The following MGST3 variants were observed in gnomAD, a reference collection of about 807,000 sequenced individuals.
MGST3 encodes glutathione S-transferase 3, mitochondrial.
In MGST3, 13 loss-of-function variants were observed where a neutral mutation model predicts 15.8. That is an observed-to-expected ratio of 0.82 (90% CI 0.54 to 1.31). The LOEUF is 1.31. MGST3 is among the 50% of genes most tolerant of loss of function. The probability of loss-of-function intolerance (pLI) is 0.00; values close to 1 mark genes in which losing one functional copy is unlikely to be tolerated. For synonymous variants in MGST3, 49 were observed against 68.1 expected (o/e 0.72, Z 1.38); for missense variants, 155 against 192.4 (o/e 0.81, Z 1.15).
intron 1 of MGST3, chr1:165,646,671 G>A (rs538608666): frequency 5.2e-5 from 8 of 152,386 alleles, no homozygotes; most frequent in South Asian, 4.1e-4. Context: ...TTCAGGGGAC[G>A]GGGTGCGTGG....
chr1:165,651,772 G>A, intron 3 of MGST3: 1 of 502,904 alleles, frequency 2.0e-6, no homozygotes, highest in South Asian at 2.1e-5. Context: ...GCACGCACCT[G>A]TAATCCCAGC....
In MGST3 at chr1:165,642,553, G is replaced by A. The variant is rs978699151; in HGVS notation, c.-7-7288G>A. On this transcript the variant is annotated intron_variant, in intron 1 of 5. Transcript: ENST00000367889. ...CATTATCATTTAGCCAAACATCCCC[G>A]TTGAGTCAGGTCAAGGACAGTTAAC... 5.3e-5 allele frequency among the ~76,000 whole-genome samples: 8 copies of A among 152,232 alleles called. No homozygotes were observed. The South Asian group carries it at 6.2e-4, about 12-fold the overall frequency.
Position 165,651,088 on chromosome 1 carries a change from G to GT in MGST3, c.191+2dup, listed in dbSNP as rs767969555. ...GCATTCAGCGAGCCCACCAGAACAC[G>GT]TGAGTGTCGGCCCTGCCGGGCACCA... is the stretch of plus-strand genomic sequence containing the variant. On this transcript the variant is annotated splice_donor_variant, in intron 3 of 5. Coordinates refer to ENST00000367889, the MANE Select transcript of MGST3 (RefSeq NM_004528.4). LOFTEE classifies it high-confidence loss of function. The GT allele has an allele frequency of 1.2e-6, 2 of 1,613,926 alleles. No individual in the cohort carries two copies. Among genetic ancestry groups the GT allele is most frequent in the African/African-American group, 1.3e-5 (1 of 74,938 alleles).
intron 4 of MGST3, among the ~76,000 whole-genome samples, 163 bp downstream of exon 4, chr1:165,652,198 G>A (rs910140008): frequency 2.0e-5 from 3 of 152,176 alleles, no homozygotes; most frequent in African/African-American, 7.2e-5. Context: ...CTTTAAAGGA[G>A]ATGGGATTTT....
At chr1:165,655,229 G>A (rs1360954793) in intron 5 of MGST3, 139 bp from the exon 6 acceptor site, 1 of 1,039,842 alleles carries the variant, frequency 9.6e-7, no homozygotes, top group Non-Finnish European at 1.4e-6. Context: ...ACAGCTTCAG[G>A]CTAAAGAGTT....
chr1:165,642,713 T>C (rs1648292380), intron 1 of MGST3, among the ~76,000 whole-genome samples: 2 of 152,186 alleles, frequency 1.3e-5, no homozygotes, highest in Admixed American at 6.5e-5. Context: ...GTTATATTAG[T>C]ATCTCCATTT....
intron 3 of MGST3, 65 bp from the exon 4 acceptor site, chr1:165,651,913 T>TAAAA: frequency 1.9e-6 from 1 of 525,398 alleles, no homozygotes; most frequent in Non-Finnish European, 3.0e-6. Context: ...AAAAAAAAAT[T>TAAAA]CATAATTCTA....
intron 1 of MGST3, among the ~76,000 whole-genome samples, chr1:165,639,008 A>T (rs202082659): frequency 4.7e-5 from 7 of 150,130 alleles, no homozygotes; most frequent in South Asian, 2.1e-4. Context: ...AAGAAAAAAA[A>T]ATAAATAAAA....
chr1:165,641,026 T>C (rs544176737), intron 1 of MGST3, among the ~76,000 whole-genome samples: 2 of 152,096 alleles, frequency 1.3e-5, no homozygotes, highest in African/African-American at 4.8e-5. Flanking sequence ...CTACTAAAAA[T>C]ACAAAAATGA....
intron 1 of MGST3, among the ~76,000 whole-genome samples, chr1:165,637,308 A>AAG (rs1192720479): frequency 4.6e-5 from 7 of 152,308 alleles, no homozygotes; most frequent in Admixed American, 1.3e-4. Context: ...TTTGGGAGCA[A>AAG]AGAGAGAGAG....
chr1:165,640,849 G>A (rs897841324), intron 1 of MGST3, among the ~76,000 whole-genome samples: 2 of 152,210 alleles, frequency 1.3e-5, no homozygotes, highest in Non-Finnish European at 2.9e-5. Context: ...GGATCCTGAT[G>A]CAACAGCCCT....
At chr1:165,642,343 C>T (rs1448574545) in intron 1 of MGST3, among the ~76,000 whole-genome samples, 1 of 152,212 alleles carries the variant, frequency 6.6e-6, no homozygotes, top group Non-Finnish European at 1.5e-5. Context: ...GTTTGAATGA[C>T]TGCAGCTTCC....
chr1:165,632,492 A>T (rs9333381), intron 1 of MGST3, among the ~76,000 whole-genome samples: 103 of 152,360 alleles, frequency 6.8e-4, no homozygotes, highest in Non-Finnish European at 1.1e-3. Flanking sequence ...GTTTATTCTC[A>T]TAGGAGATGA....
intron 4 of MGST3, 127 bp from the exon 5 acceptor site, chr1:165,654,152 G>A: frequency 1.2e-6 from 1 of 826,838 alleles, no homozygotes; most frequent in Non-Finnish European, 2.1e-6. Flanking sequence ...TAATTTGCGT[G>A]GGGAGTAGTT....
Position 165,649,938 on chromosome 1 carries a change from A to G in MGST3, c.91A>G (p.Lys31Glu). The G allele has an allele frequency of 6.2e-7, 1 of 1,614,156 alleles. No homozygotes were observed. Reference protein sequence around the residue: ...MVAHLAINVSKARKKYKVEYP... With the variant: ...MVAHLAINVSEARKKYKVEYP... ...GGCCCACCTAGCCATCAATGTTTCCAAGGCCCGCAAGAAGTACAAAGTGGA... is the reference window on the plus strand; with the variant it reads ...GGCCCACCTAGCCATCAATGTTTCCGAGGCCCGCAAGAAGTACAAAGTGGA... The change falls in exon 2 of 6, where the codon AAG becomes GAG. Residue 31 changes from lysine to glutamate, a missense_variant. Transcript: ENST00000367889.
chr1:165,645,299 T>G (rs991600341), intron 1 of MGST3, among the ~76,000 whole-genome samples: 1 of 152,122 alleles, frequency 6.6e-6, no homozygotes, highest in Non-Finnish European at 1.5e-5. Context: ...AACACACACC[T>G]TATCCTAGGC....
chr1:165,644,915 C>T (rs936414106), intron 1 of MGST3, among the ~76,000 whole-genome samples: 2 of 152,048 alleles, frequency 1.3e-5, no homozygotes, highest in East Asian at 1.9e-4. Flanking sequence ...CTCATCACCT[C>T]GCCCAGCTAA....
intron 1 of MGST3, among the ~76,000 whole-genome samples, chr1:165,632,840 A>G (rs1327775833): frequency 6.6e-6 from 1 of 152,152 alleles, no homozygotes; most frequent in Non-Finnish European, 1.5e-5. Flanking sequence ...AGGAACATAC[A>G]GGAAAGAAGG....
At chr1:165,644,925 AT>A (rs1359166495) in intron 1 of MGST3, among the ~76,000 whole-genome samples, 2 of 151,726 alleles carry the variant, frequency 1.3e-5, no homozygotes, top group Non-Finnish European at 2.9e-5. Context: ...CGCCCAGCTA[AT>A]TTTTTTATAT....
Sources: allele counts gnomAD v4.1 joint callset (sites outside exome capture counted in the v4.1 genomes callset), GRCh38; gene constraint gnomAD v4.1.1; transcripts MANE v1.5; gene names NCBI Gene and HGNC (gene_info 2026-07-23, HGNC 2026-07-21).